The following KLF11 variants were observed in gnomAD, a reference collection of about 807,000 sequenced individuals.
The protein encoded by KLF11 is KLF transcription factor 11, also known as Krueppel-like factor 11.
KLF11 carries 26 observed loss-of-function variants against 29.9 expected under a neutral mutation model. The ratio of observed to expected loss-of-function variants is 0.87; its 90% CI spans 0.64 to 1.21. The LOEUF (loss-of-function observed/expected upper bound fraction) is 1.21. KLF11 is among the 50% of genes most tolerant of loss of function. The pLI is 0.00. For missense variants in KLF11, 778 were observed against 665.7 expected, an observed-to-expected ratio of 1.17 and a Z score of -1.86; for synonymous variants, 318 against 257.4, an observed-to-expected ratio of 1.24 and a Z score of -2.25.
Position 10,048,395 on chromosome 2 carries a change from CCT to C in KLF11, c.1059_1060del (p.Ala355SerfsTer24). ...CAGGGAGCCCTCCCTCCGCCTGCCC[CCT>C]GTGCAGCCAATGTCATGGCTGCCGG... On this transcript the variant is annotated frameshift_variant, in exon 3 of 4. Coordinates refer to ENST00000305883, the MANE Select transcript of KLF11 (RefSeq NM_003597.5). LOFTEE classifies it high-confidence loss of function. 6.2e-7 allele frequency: 1 copy of C among 1,613,862 alleles called. No homozygotes were observed. The highest frequency in any genetic ancestry group is 8.5e-7 in the Non-Finnish European group (1 of 1,179,728).
rs1239435262 is a variant in KLF11, at chr2:10,052,726, T to G, written c.*219T>G. On this transcript the variant is annotated 3_prime_UTR_variant, in exon 4 of 4. Transcript: ENST00000305883. ...GTTTCAGAAGTTTTTTTGTTTTGGT[T>G]TTTTTTTTAAAGAAATGGTAGAAAA... The G allele has an allele frequency of 2.0e-6, 1 of 503,986 alleles. No individual in the cohort carries two copies. The highest frequency in any genetic ancestry group is 3.5e-6 in the Non-Finnish European group (1 of 286,418). The allele number at this position is 503,986 out of a possible 1,614,324, so 31.2% of individuals were successfully genotyped here. A position where few individuals can be genotyped will look rare whatever the true frequency, so the allele number is the denominator to read the frequency against.
At chr2:10,050,674 A>T (rs1204103740) in intron 3 of KLF11, among the ~76,000 whole-genome samples, 1 of 152,022 alleles carries the variant, frequency 6.6e-6, no homozygotes, top group East Asian at 1.9e-4. Context: ...ACGCCACTGC[A>T]CTCCAGCCTG....
At position 10,047,756 on chromosome 2, in the gene KLF11, A is replaced by G; in HGVS notation, c.419A>G (p.Gln140Arg). ...SKACTATDVLQSSAVVARALS... is the reference protein window; with the variant it reads ...SKACTATDVLRSSAVVARALS... ...GCATGTACAGCCACGGATGTTCTCC[A>G]GTCCTCTGCCGTAGTGGCCAGAGCT... is the stretch of plus-strand genomic sequence containing the variant. Residue 140 changes from glutamine to arginine, a missense_variant, in exon 3 of 4, where the codon CAG becomes CGG. By Grantham distance (43) the Gln-to-Arg change is conservative. Transcript: ENST00000305883. 6.2e-7 allele frequency: 1 copy of G among 1,613,784 alleles called. No homozygotes were observed. The highest frequency in any genetic ancestry group is 8.5e-7 in the Non-Finnish European group (1 of 1,180,010).
At chr2:10,051,504 G>A (rs1305652493) in intron 3 of KLF11, among the ~76,000 whole-genome samples, 1 of 152,014 alleles carries the variant, frequency 6.6e-6, no homozygotes, top group Non-Finnish European at 1.5e-5. Flanking sequence ...ACCGTGCCCA[G>A]CTGGATGCTA....
chr2:10,047,585 T>A (rs1016436972), intron 2 of KLF11, 65 bp from the exon 3 acceptor site: 2 of 1,296,496 alleles, frequency 1.5e-6, no homozygotes, highest in African/African-American at 1.5e-5. Flanking sequence ...ATTGGGAGCA[T>A]TGTGATGAAT....
chr2:10,044,398 G>A (rs535621481), intron 1 of KLF11: 2 of 985,616 alleles, frequency 2.0e-6, no homozygotes, highest in African/African-American at 3.5e-5. Flanking sequence ...GCAGAGCGCG[G>A]GCCTCGTGGT....
Position 10,046,020 on chromosome 2 carries a change from G to T in KLF11, c.43-130G>T. ...TGTCTTTTACTACACCTCGGTGTTTGTTGCTATAGACTATTGCATGTGCAT... is the reference window on the plus strand; with the variant it reads ...TGTCTTTTACTACACCTCGGTGTTTTTTGCTATAGACTATTGCATGTGCAT... On this transcript the variant is annotated intron_variant, in intron 1 of 3. Transcript: ENST00000305883. 2.8e-6 allele frequency: 3 copies of T among 1,053,364 alleles called. No homozygotes were observed. The highest frequency in any genetic ancestry group is 2.5e-5 in the South Asian group (2 of 78,732). The allele number at this position is 1,053,364 out of a possible 1,614,324, so 65.3% of individuals were successfully genotyped here.
intron 2 of KLF11, among the ~76,000 whole-genome samples, chr2:10,047,089 T>C (rs1036483517): frequency 6.6e-6 from 1 of 152,154 alleles, no homozygotes; most frequent in Non-Finnish European, 1.5e-5. Flanking sequence ...GCATGTACTT[T>C]GACATCAGAT....
intron 1 of KLF11, among the ~76,000 whole-genome samples, chr2:10,044,964 G>C (rs1661143655): frequency 1.3e-5 from 2 of 152,020 alleles, no homozygotes; most frequent in African/African-American, 4.8e-5. Flanking sequence ...TGACCAACAT[G>C]GGGAAAACCG....
At position 10,043,594 on chromosome 2, in the gene KLF11, C is replaced by T. The variant is rs1374696028; in HGVS notation, c.-123C>T. 38 of 580,072 alleles carry T rather than the reference C, an allele frequency of 6.6e-5. No individual in the cohort carries two copies. Among genetic ancestry groups the T allele is most frequent in the Non-Finnish European group, 8.0e-5 (37 of 462,384 alleles). 35.9% of individuals were successfully genotyped at this position (580,072 alleles called of 1,614,324 possible). On this transcript the variant is annotated 5_prime_UTR_variant, in exon 1 of 4. Coordinates refer to ENST00000305883, the MANE Select transcript of KLF11 (RefSeq NM_003597.5). ...GGCAGAGCCGCGCGGGCGGGCGAGG[C>T]GCGTGCCGGCCGCAGGAGCTCCGGG...
At chr2:10,046,478 G>A in intron 2 of KLF11, 59 bp downstream of exon 2, 3 of 1,572,096 alleles carry the variant, frequency 1.9e-6, no homozygotes, top group Non-Finnish European at 1.7e-6. Flanking sequence ...GCTGAACTCA[G>A]TGTGTTGAAG....
Position 10,054,263 on chromosome 2 carries a change from T to A in KLF11, c.*1756T>A, listed in dbSNP as rs1248873922. 6.6e-6 allele frequency: 1 copy of A among 152,262 alleles called. No individual in the cohort carries two copies. The highest frequency in any genetic ancestry group is 1.5e-5 in the Non-Finnish European group (1 of 68,048). 9.4% of individuals were successfully genotyped at this position (152,262 alleles called of 1,614,324 possible). On this transcript the variant is annotated 3_prime_UTR_variant, in exon 4 of 4. Transcript: ENST00000305883. ...CAAAATCAGCATACACATTTTTGAC[T>A]GTACACACTATAAATGGCATCAAAT...
chr2:10,048,030 T>G lies in KLF11; in HGVS notation c.693T>G (p.Cys231Trp). The change falls in exon 3 of 4, where the codon TGT becomes TGG. Residue 231 changes from cysteine (C) to tryptophan (W), a missense_variant. Transcript: ENST00000305883. ...DSLLSTNLVS[C>W]QPCLHKSGGL... ...TACTCAGCACTAACTTGGTGTCCTG[T>G]CAGCCCTGCTTGCACAAGTCTGGTG... 6.2e-7 allele frequency: 1 copy of G among 1,614,188 alleles called. No individual in the cohort carries two copies. Among genetic ancestry groups the G allele is most frequent in the Middle Eastern group, 1.6e-4 (1 of 6,062 alleles).
In KLF11 at chr2:10,047,843, G is replaced by A. The variant is rs1234856743; in HGVS notation, c.506G>A (p.Arg169Lys). Residue 169 changes from arginine to lysine, a missense_variant, in exon 3 of 4, where the codon AGG (arginine) becomes AAG (lysine). By Grantham distance (26) the Arg-to-Lys change is conservative (BLOSUM62 2). Coordinates refer to ENST00000305883, the MANE Select transcript of KLF11 (RefSeq NM_003597.5). Reference sequence around the variant, plus strand: ...GAGCCAGTGCCCAGCTCTCCCTGCAGGGCCAAGGGGACTAGCGTGATCCGA... The same window carrying A: ...GAGCCAGTGCCCAGCTCTCCCTGCAAGGCCAAGGGGACTAGCGTGATCCGA... ...GLEPVPSSPC[R>K]AKGTSVIRHT... 1.3e-5 allele frequency: 21 copies of A among 1,613,836 alleles called. No homozygotes were observed. Among genetic ancestry groups the A allele is most frequent in the Non-Finnish European group, 1.6e-5 (19 of 1,180,030 alleles).
At position 10,046,425 on chromosome 2, in the gene KLF11, A is replaced by G. The variant is rs752493178; in HGVS notation, c.312+6A>G. The G allele has an allele frequency of 9.3e-6, 15 of 1,613,354 alleles. No individual in the cohort carries two copies. Among genetic ancestry groups the G allele is most frequent in the Non-Finnish European group, 1.3e-5 (15 of 1,180,020 alleles). On this transcript the variant is annotated splice_donor_region_variant and intron_variant, in intron 2 of 3. Coordinates refer to ENST00000305883, the MANE Select transcript of KLF11 (RefSeq NM_003597.5). ...TCCATTCTTTATCGACTCTGGTAAG[A>G]GGAGGTGGGAGGGAGGAGCGTTTTT...
At position 10,044,211 on chromosome 2, in the gene KLF11, A is replaced by C. The variant is rs1283476794; in HGVS notation, c.42+453A>C. ...GGGCGGGTTAAGAGCGGCTAGCGGT[A>C]GTGCCGCTCGGGCCTGGGGGCGGGC... On this transcript the variant is annotated intron_variant, in intron 1 of 3. Coordinates refer to ENST00000305883, the MANE Select transcript of KLF11 (RefSeq NM_003597.5). 1.4e-4 allele frequency: 124 copies of C among 904,162 alleles called. No homozygotes were observed. In the Admixed American group the frequency reaches 1.7e-3, roughly 13 times the overall value. The allele number at this position is 904,162 out of a possible 1,614,324, so 56.0% of individuals were successfully genotyped here.
chr2:10,052,726 T>TTC lies in KLF11; in HGVS notation c.*220_*221insCT. ...GTTTCAGAAGTTTTTTTGTTTTGGT[T>TTC]TTTTTTTTAAAGAAATGGTAGAAAA... On this transcript the variant is annotated 3_prime_UTR_variant, in exon 4 of 4. Transcript: ENST00000305883. The TTC allele has an allele frequency of 2.0e-6, 1 of 504,106 alleles. No homozygotes were observed. The highest frequency in any genetic ancestry group is 3.5e-6 in the Non-Finnish European group (1 of 286,410). The allele number at this position is 504,106 out of a possible 1,614,324, so 31.2% of individuals were successfully genotyped here.
At chr2:10,050,351 G>A (rs1661364973) in intron 3 of KLF11, among the ~76,000 whole-genome samples, 1 of 149,002 alleles carries the variant, frequency 6.7e-6, no homozygotes, top group East Asian at 2.0e-4. Flanking sequence ...AGGTTGCAGT[G>A]AATGGAGATT....
Position 10,046,386 on chromosome 2 carries a change from A to AC in KLF11, c.280dup (p.Leu94ProfsTer20). 1 of 1,614,212 alleles carries AC rather than the reference A, an allele frequency of 6.2e-7. No homozygotes were observed. The highest frequency in any genetic ancestry group is 1.1e-5 in the South Asian group (1 of 91,076). ...TGCATATGGATGCAGCCACACCTGAACTACCAAAAGACTTCCATTCTTTAT... is the reference window on the plus strand; with the variant it reads ...TGCATATGGATGCAGCCACACCTGAACCTACCAAAAGACTTCCATTCTTTAT... On this transcript the variant is annotated frameshift_variant, in exon 2 of 4. Transcript: ENST00000305883. LOFTEE classifies it high-confidence loss of function.
Sources: gnomAD v4.1 joint callset for allele counts (sites outside exome capture counted in the v4.1 genomes callset) on GRCh38, gnomAD v4.1.1 for gene constraint, MANE v1.5 for transcripts, NCBI Gene and HGNC (gene_info 2026-07-23, HGNC 2026-07-21) for gene names.